Variants in NFIB observed in about 807,000 individuals in gnomAD.
The protein encoded by NFIB is nuclear factor 1 B-type.
In NFIB, 11 loss-of-function variants were observed where a neutral mutation model predicts 61.5. The observed-to-expected ratio is 0.18, with a 90% CI of 0.11 to 0.30. The LOEUF is 0.30. NFIB is among the 10% of genes least tolerant of loss of function. The pLI, the probability that NFIB is intolerant of heterozygous loss-of-function variation, is 1.00. For synonymous variants in NFIB, 260 were observed against 216.5 expected (o/e 1.20, Z -1.76); for missense variants, 471 against 608.9 (o/e 0.77, Z 2.38).
intron 6 of NFIB, among the ~76,000 whole-genome samples, chr9:14,138,499 A>T (rs2041323147): frequency 1.3e-5 from 2 of 152,152 alleles, no homozygotes; most frequent in African/African-American, 4.8e-5. Flanking sequence ...GTTAGATTAT[A>T]TTAAGAAATT....
chr9:14,492,203 A>C, the NFIB span, among the ~76,000 whole-genome samples: 1 of 152,084 alleles, frequency 6.6e-6, no homozygotes, highest in African/African-American at 2.4e-5. Flanking sequence ...CTCTACTAAA[A>C]ATATGAAAAA....
chr9:14,250,269 T>A (rs2055443242), intron 2 of NFIB, among the ~76,000 whole-genome samples: 1 of 151,702 alleles, frequency 6.6e-6, no homozygotes, highest in Admixed American at 6.6e-5. Flanking sequence ...TATAATATCT[T>A]TTTTTGTTTT....
intron 1 of NFIB, among the ~76,000 whole-genome samples, chr9:14,390,591 A>C (rs771541061): frequency 6.6e-6 from 1 of 152,258 alleles, no homozygotes; most frequent in East Asian, 1.9e-4. Context: ...CAAAATTCAT[A>C]TGTTGAAACC....
the NFIB span, among the ~76,000 whole-genome samples, chr9:14,448,275 T>C: frequency 1.1e-4 from 16 of 152,228 alleles, no homozygotes; most frequent in Non-Finnish European, 1.8e-4. Context: ...ATGTCCTCAA[T>C]AAACTGATGC....
chr9:14,195,176 C>CA (rs946780144), intron 2 of NFIB, among the ~76,000 whole-genome samples: 2 of 148,358 alleles, frequency 1.3e-5, no homozygotes, highest in Admixed American at 1.3e-4. Context: ...TAAAAAAAAA[C>CA]AAAAAACAAA....
chr9:14,200,821 G>A (rs560828839), intron 2 of NFIB, among the ~76,000 whole-genome samples: 7 of 152,164 alleles, frequency 4.6e-5, no homozygotes, highest in East Asian at 1.9e-4. Flanking sequence ...AATACTACCC[G>A]TTTTTTGAGA....
chr9:14,282,359 GT>G (rs2058429160), intron 2 of NFIB, among the ~76,000 whole-genome samples: 1 of 151,790 alleles, frequency 6.6e-6, no homozygotes, highest in East Asian at 1.9e-4. Flanking sequence ...AAAGCATGAT[GT>G]TCTCAGATAA....
chr9:14,387,111 G>A (rs921067876), intron 1 of NFIB, among the ~76,000 whole-genome samples: 1 of 152,186 alleles, frequency 6.6e-6, no homozygotes, highest in Admixed American at 6.5e-5. Context: ...TGTATGACTT[G>A]GGGTTAGGTG....
At chr9:14,153,021 G>A (rs1429493276) in intron 4 of NFIB, among the ~76,000 whole-genome samples, 2 of 152,018 alleles carry the variant, frequency 1.3e-5, no homozygotes, top group Non-Finnish European at 2.9e-5. Flanking sequence ...AGCAAAAAAA[G>A]AAGATTTGAA....
the NFIB span, among the ~76,000 whole-genome samples, chr9:14,416,929 G>A: frequency 7.6e-6 from 1 of 132,064 alleles, no homozygotes; most frequent in African/African-American, 3.2e-5. Context: ...GTCTTGCCCT[G>A]TTGCCCAGGC....
intron 2 of NFIB, among the ~76,000 whole-genome samples, chr9:14,242,254 T>C (rs922015273): frequency 2.0e-5 from 3 of 152,258 alleles, no homozygotes; most frequent in Admixed American, 2.0e-4. Context: ...TATGGAAATA[T>C]GCATGAGTAT....
chr9:14,445,221 A>T, the NFIB span, among the ~76,000 whole-genome samples: 22 of 152,210 alleles, frequency 1.4e-4, no homozygotes, highest in Admixed American at 6.5e-4. Context: ...ATTAACCTGT[A>T]TATTTTGGGG....
At chr9:14,397,644 C>T (rs1425674343) in intron 1 of NFIB, among the ~76,000 whole-genome samples, 6 of 152,248 alleles carry the variant, frequency 3.9e-5, no homozygotes, top group South Asian at 4.1e-4. Context: ...TGAAGTCATG[C>T]TTATTACTTT....
intron 2 of NFIB, among the ~76,000 whole-genome samples, chr9:14,209,100 A>G (rs933808054): frequency 6.6e-6 from 1 of 152,240 alleles, no homozygotes; most frequent in African/African-American, 2.4e-5. Flanking sequence ...TGAATCATCA[A>G]TACATCACAG....
At chr9:14,435,174 G>A in the NFIB span, among the ~76,000 whole-genome samples, 8 of 152,310 alleles carry the variant, frequency 5.3e-5, no homozygotes, top group East Asian at 1.3e-3. Flanking sequence ...GGCATTCTCT[G>A]GCCTGAAGAG....
intron 1 of NFIB, among the ~76,000 whole-genome samples, chr9:14,372,908 G>C (rs2061374662): frequency 6.7e-6 from 1 of 148,994 alleles, no homozygotes; most frequent in Admixed American, 6.9e-5. Context: ...TATAGGGAAA[G>C]ACAAAACAAA....
At chr9:14,135,321 A>G (rs2040918083) in intron 6 of NFIB, among the ~76,000 whole-genome samples, 1 of 152,226 alleles carries the variant, frequency 6.6e-6, no homozygotes, top group East Asian at 1.9e-4. Context: ...CCCACATTAC[A>G]CTGCAAGAAG....
intron 3 of NFIB, among the ~76,000 whole-genome samples, chr9:14,172,365 G>C (rs2045658464): frequency 6.6e-6 from 1 of 152,088 alleles, no homozygotes; most frequent in African/African-American, 2.4e-5. Flanking sequence ...GCTAGGAAAA[G>C]TAAAGGACAG....
rs1318884545 is a variant in NFIB, at chr9:14,216,536, CTCTCTCCCTCTGTGTGTG to C, written c.563-36774_563-36757del. ...TCTCTCTCTCTCTCTCTCTCTCTCT[CTCTCTCCCTCTGTGTGTG>C]TGTGTGTGTGTGTGTGTGTGTGTGT... On this transcript the variant is annotated intron_variant, in intron 2 of 10. Transcript: ENST00000380953. Among the ~76,000 whole-genome samples, 236 of 31,618 alleles carry C rather than the reference CTCTCTCCCTCTGTGTGTG, an allele frequency of 7.5e-3. 2 individuals carry two copies. The highest frequency in any genetic ancestry group is 0.032 in the African/African-American group (224 of 6,988). 20.7% of individuals were successfully genotyped at this position (31,618 alleles called of 152,430 possible). A position where few individuals can be genotyped will look rare whatever the true frequency, so the allele number is the denominator to read the frequency against.
Sources: gnomAD v4.1 joint callset for allele counts (sites outside exome capture counted in the v4.1 genomes callset) on GRCh38, gnomAD v4.1.1 for gene constraint, MANE v1.5 for transcripts, NCBI Gene and HGNC (gene_info 2026-07-23, HGNC 2026-07-21) for gene names.